The following NEK7 variants were observed in gnomAD, a reference collection of about 807,000 sequenced individuals.
NEK7 encodes NIMA related kinase 7, also known as serine/threonine-protein kinase Nek7.
A neutral mutation model predicts 44.6 loss-of-function variants in NEK7; 18 were observed. The observed-to-expected ratio is 0.40, with a 90% CI of 0.28 to 0.60. The LOEUF is 0.60. NEK7 is among the 20% of genes least tolerant of loss of function. The pLI is 0.38. For missense variants in NEK7, 256 were observed against 366.5 expected, an observed-to-expected ratio of 0.70 and a Z score of 2.46; for synonymous variants, 130 against 121.1, an observed-to-expected ratio of 1.07 and a Z score of -0.48.
intron 9 of NEK7, among the ~76,000 whole-genome samples, chr1:198,312,193 C>T (rs1655208895): frequency 2.0e-5 from 3 of 151,984 alleles, no homozygotes; most frequent in Admixed American, 2.0e-4. Context: ...AGGAATTTAT[C>T]CATTTCTTCT....
intron 9 of NEK7, among the ~76,000 whole-genome samples, chr1:198,317,880 T>TTA (rs1655416843): frequency 8.0e-6 from 1 of 124,314 alleles, no homozygotes; most frequent in African/African-American, 3.5e-5. Context: ...TATATTTATT[T>TTA]TTTTTTTTTT....
intron 2 of NEK7, among the ~76,000 whole-genome samples, chr1:198,252,528 CTATATA>C (rs1162099133): frequency 1.0e-3 from 33 of 32,696 alleles, no homozygotes; most frequent in South Asian, 2.7e-3. Flanking sequence ...ATCTCACATA[CTATATA>C]TATATATATA....
chr1:198,273,674 G>T (rs530237960), intron 5 of NEK7, among the ~76,000 whole-genome samples: 2 of 151,690 alleles, frequency 1.3e-5, no homozygotes, highest in Non-Finnish European at 1.5e-5. Flanking sequence ...GTCATCTCAT[G>T]TTAAGACCTT....
intron 1 of NEK7, among the ~76,000 whole-genome samples, chr1:198,208,220 A>G (rs948358731): frequency 9.2e-5 from 14 of 152,080 alleles, no homozygotes; most frequent in Non-Finnish European, 1.6e-4. Context: ...TTCATGATGT[A>G]TTGGATATAG....
rs1226804286 is a variant in NEK7, at chr1:198,231,357, TATATGA to T, written c.-28-1195_-28-1190del. 2.1e-5 allele frequency among the ~76,000 whole-genome samples: 3 copies of T among 141,300 alleles called. No individual in the cohort carries two copies. In the East Asian group the frequency reaches 6.0e-4, roughly 28 times the overall value. 92.7% of individuals were successfully genotyped at this position (141,300 alleles called of 152,430 possible). ...TATATAAAAACACATGATCATTTGGTATATGACAAAGATGACCATAGCAGCAGTGCA... is the reference window on the plus strand; with the variant it reads ...TATATAAAAACACATGATCATTTGGTCAAAGATGACCATAGCAGCAGTGCA... On this transcript the variant is annotated intron_variant, in intron 1 of 9. Transcript: ENST00000367385.
intron 2 of NEK7, among the ~76,000 whole-genome samples, chr1:198,235,012 C>CT (rs111968776): frequency 1.1e-4 from 16 of 152,032 alleles, no homozygotes; most frequent in Non-Finnish European, 1.5e-4. Context: ...CTTTGACAAC[C>CT]TTTTTTTTGT....
intron 1 of NEK7, among the ~76,000 whole-genome samples, chr1:198,211,902 A>G (rs968648897): frequency 2.6e-5 from 4 of 152,238 alleles, no homozygotes; most frequent in African/African-American, 9.6e-5. Flanking sequence ...CATGAACTGA[A>G]TGGAAAACTG....
At chr1:198,195,756 C>T (rs984116749) in intron 1 of NEK7, among the ~76,000 whole-genome samples, 2 of 152,114 alleles carry the variant, frequency 1.3e-5, no homozygotes, top group African/African-American at 2.4e-5. Flanking sequence ...ACCCGGGAGG[C>T]GGAAGTTGCA....
intron 1 of NEK7, among the ~76,000 whole-genome samples, chr1:198,187,980 C>G (rs1664969851): frequency 6.6e-6 from 1 of 152,182 alleles, no homozygotes; most frequent in Non-Finnish European, 1.5e-5. Context: ...AGAGGCACTT[C>G]TGGTTTTAAT....
intron 9 of NEK7, among the ~76,000 whole-genome samples, chr1:198,314,787 C>G (rs554208045): frequency 1.3e-5 from 2 of 152,162 alleles, no homozygotes; most frequent in African/African-American, 2.4e-5. Context: ...GCAGTCTGCC[C>G]GTTCTCAGAT....
intron 1 of NEK7, among the ~76,000 whole-genome samples, chr1:198,221,784 C>T (rs1195491627): frequency 6.6e-6 from 1 of 151,816 alleles, no homozygotes; most frequent in Non-Finnish European, 1.5e-5. Context: ...GTATACTTAG[C>T]ATGATTTAAT....
At chr1:198,278,187 A>G (rs1654077938) in intron 6 of NEK7, 118 bp downstream of exon 6, 1 of 613,354 alleles carries the variant, frequency 1.6e-6, no homozygotes, top group Non-Finnish European at 2.9e-6. Context: ...TTTTCAAATT[A>G]TAATTATGCT....
chr1:198,186,740 T>A (rs1463189638), intron 1 of NEK7, among the ~76,000 whole-genome samples: 1 of 152,158 alleles, frequency 6.6e-6, no homozygotes, highest in African/African-American at 2.4e-5. Flanking sequence ...ATTCATCCAG[T>A]TTATCTCATA....
At chr1:198,303,342 A>T (rs1309437728) in intron 9 of NEK7, among the ~76,000 whole-genome samples, 2 of 152,114 alleles carry the variant, frequency 1.3e-5, no homozygotes. Context: ...TAAAAATATA[A>T]CTGGGTTTCA....
At chr1:198,316,093 G>C (rs939332725) in intron 9 of NEK7, among the ~76,000 whole-genome samples, 1 of 152,186 alleles carries the variant, frequency 6.6e-6, no homozygotes, top group Non-Finnish European at 1.5e-5. Flanking sequence ...GGAAGAAAAC[G>C]TCAGGGAAGA....
intron 9 of NEK7, among the ~76,000 whole-genome samples, chr1:198,315,068 G>A (rs527641304): frequency 6.6e-6 from 1 of 152,294 alleles, no homozygotes; most frequent in East Asian, 1.9e-4. Context: ...CAAGACTGCT[G>A]TGCTAGCAAT....
At chr1:198,166,889 C>T (rs957383395) in intron 1 of NEK7, among the ~76,000 whole-genome samples, 1 of 152,146 alleles carries the variant, frequency 6.6e-6, no homozygotes, top group African/African-American at 2.4e-5. Flanking sequence ...CATAGGGTTG[C>T]CACAAACCTT....
chr1:198,157,321 T>C lies in NEK7; in HGVS notation c.-29+45T>C, dbSNP rs780628419. The C allele has an allele frequency of 2.3e-3, 347 of 152,228 alleles. 1 individual carries two copies. Among genetic ancestry groups the C allele is most frequent in the Non-Finnish European group, 1.9e-3 (130 of 68,130 alleles). The allele number at this position is 152,228 out of a possible 1,614,324, so 9.4% of individuals were successfully genotyped here. A position where few individuals can be genotyped will look rare whatever the true frequency, so the allele number is the denominator to read the frequency against. On this transcript the variant is annotated intron_variant, in intron 1 of 9. Coordinates refer to ENST00000367385, the MANE Select transcript of NEK7 (RefSeq NM_133494.3). The stretch of plus-strand genomic sequence containing the variant: ...TCAGGCGCCCGGACCGGGCAGCTCC[T>C]GCCGGGAGGGGCCGCCTGCGGGAGT...
chr1:198,302,676 T>G (rs897126569), intron 9 of NEK7, among the ~76,000 whole-genome samples: 6 of 152,156 alleles, frequency 3.9e-5, no homozygotes, highest in Non-Finnish European at 7.4e-5. Flanking sequence ...TATAACATAT[T>G]TATGTGGCTT....
Sources: allele counts gnomAD v4.1 joint callset (sites outside exome capture counted in the v4.1 genomes callset), GRCh38; gene constraint gnomAD v4.1.1; transcripts MANE v1.5; gene names NCBI Gene and HGNC (gene_info 2026-07-23, HGNC 2026-07-21).